The following RAB3GAP2 variants were observed in gnomAD, a reference collection of about 807,000 sequenced individuals.
The protein encoded by RAB3GAP2 is RAB3 GTPase activating non-catalytic protein subunit 2, also known as rab3 GTPase-activating protein non-catalytic subunit.
Under a neutral mutation model 185.3 loss-of-function variants are expected in RAB3GAP2, and 87 were observed. The ratio of observed to expected loss-of-function variants is 0.47; its 90% CI spans 0.39 to 0.56. The LOEUF is 0.56. Ranked by LOEUF, RAB3GAP2 falls within the 20% of genes least tolerant of loss-of-function variation. The pLI is 0.00. For synonymous variants in RAB3GAP2, 554 were observed against 576.1 expected, an observed-to-expected ratio of 0.96 and a Z score of 0.55; for missense variants, 1,492 against 1,638.2, an observed-to-expected ratio of 0.91 and a Z score of 1.54.
chr1:220,193,989 C>A (rs1031505800), intron 12 of RAB3GAP2, among the ~76,000 whole-genome samples: 1 of 151,944 alleles, frequency 6.6e-6, no homozygotes, highest in Non-Finnish European at 1.5e-5. Flanking sequence ...ACGCACAGGG[C>A]CATGTGACTA....
Position 220,157,824 on chromosome 1 carries a change from T to A in RAB3GAP2, c.3314A>T (p.Asp1105Val). The change falls in exon 30 of 35, where the codon GAT (aspartate) becomes GTT (valine). Residue 1105 changes from aspartate (D) to valine (V), a missense_variant. By Grantham distance (152) the Asp-to-Val change is radical. This residue lies in a region of RAB3GAP2 where 387 missense variants were observed against 455.3 expected (regional missense o/e 0.85). Transcript: ENST00000358951. ...TACCTCCATTAAGATCTGAAGAAGA[T>A]CCAAACAGGAGCCGAGGAAAGATGT... ...AMTSFLGSCL[D>V]LLQILMEADV... 1 of 1,613,290 alleles carries A rather than the reference T, an allele frequency of 6.2e-7. No individual in the cohort carries two copies. Among genetic ancestry groups the A allele is most frequent in the South Asian group, 1.1e-5 (1 of 91,058 alleles).
intron 1 of RAB3GAP2, among the ~76,000 whole-genome samples, chr1:220,260,070 G>A (rs1284255971): frequency 2.6e-5 from 4 of 152,122 alleles, no homozygotes; most frequent in Non-Finnish European, 5.9e-5. Context: ...AATGACTATT[G>A]TTAAAAGGTC....
In RAB3GAP2 at chr1:220,189,964, C is replaced by CAA. The variant is rs2102869076; in HGVS notation, c.1714+99_1714+100insTT. 7 of 1,121,196 alleles carry CAA rather than the reference C, an allele frequency of 6.2e-6. No individual in the cohort carries two copies. The East Asian group carries it at 1.5e-4, about 24-fold the overall frequency. The allele number at this position is 1,121,196 out of a possible 1,614,324, so 69.5% of individuals were successfully genotyped here. On this transcript the variant is annotated intron_variant, in intron 16 of 34. Coordinates refer to ENST00000358951, the MANE Select transcript of RAB3GAP2 (RefSeq NM_012414.4). ...AGCCTTACAGAGCAATTCCAATAAGCTCATCCATGCATTATTTTGATTGCT... is the reference window on the plus strand; with the variant it reads ...AGCCTTACAGAGCAATTCCAATAAGCAATCATCCATGCATTATTTTGATTGCT...
intron 1 of RAB3GAP2, among the ~76,000 whole-genome samples, chr1:220,241,802 C>T (rs1451345587): frequency 1.3e-5 from 2 of 151,850 alleles, no homozygotes; most frequent in East Asian, 3.9e-4. Flanking sequence ...ATATTACAAA[C>T]ATTAAAAATG....
At chr1:220,214,975 T>C (rs1346099234) in intron 2 of RAB3GAP2, among the ~76,000 whole-genome samples, 1 of 144,810 alleles carries the variant, frequency 6.9e-6, no homozygotes, top group Non-Finnish European at 1.5e-5. Flanking sequence ...TATATATATA[T>C]ACTTCTATAC....
chr1:220,170,227 T>A (rs571328512), intron 24 of RAB3GAP2, among the ~76,000 whole-genome samples: 1 of 151,982 alleles, frequency 6.6e-6, no homozygotes, highest in African/African-American at 2.4e-5. Flanking sequence ...TGAGAACACA[T>A]GGACACAGGG....
chr1:220,239,991 A>T (rs1659660298), intron 1 of RAB3GAP2, among the ~76,000 whole-genome samples: 2 of 58,172 alleles, frequency 3.4e-5, no homozygotes, highest in South Asian at 5.0e-4. Context: ...TTGAAGATTA[A>T]AAAAAAAAAA....
At chr1:220,242,048 T>C (rs1438994332) in intron 1 of RAB3GAP2, among the ~76,000 whole-genome samples, 2 of 152,114 alleles carry the variant, frequency 1.3e-5, no homozygotes, top group Non-Finnish European at 2.9e-5. Context: ...TTGAGTACTG[T>C]CCCTGAGAAA....
At chr1:220,197,762 G>T (rs1310198473) in intron 9 of RAB3GAP2, among the ~76,000 whole-genome samples, 1 of 152,092 alleles carries the variant, frequency 6.6e-6, no homozygotes, top group Admixed American at 6.5e-5. Flanking sequence ...GGACAATTTT[G>T]CAATAGATAT....
At chr1:220,243,316 T>C (rs1226898541) in intron 1 of RAB3GAP2, among the ~76,000 whole-genome samples, 6 of 146,638 alleles carry the variant, frequency 4.1e-5, no homozygotes, top group South Asian at 4.3e-4. Flanking sequence ...ATCGTGCCAC[T>C]GCACTCCAGC....
intron 21 of RAB3GAP2, among the ~76,000 whole-genome samples, chr1:220,176,597 T>G (rs1658294406): frequency 6.6e-6 from 1 of 152,188 alleles, no homozygotes; most frequent in Admixed American, 6.5e-5. Context: ...AGCAGTGGGC[T>G]GGAAAGTAGC....
At chr1:220,210,511 G>C (rs1042551180) in intron 6 of RAB3GAP2, 22 bp from the exon 7 acceptor site, 4 of 1,568,126 alleles carry the variant, frequency 2.6e-6, no homozygotes, top group Non-Finnish European at 3.5e-6. Flanking sequence ...CACAGAGAAG[G>C]GCCCTGCTTG....
chr1:220,251,928 T>C (rs1014315777), intron 1 of RAB3GAP2, among the ~76,000 whole-genome samples: 12 of 152,068 alleles, frequency 7.9e-5, no homozygotes, highest in Admixed American at 6.5e-4. Flanking sequence ...GGTGGTGGGA[T>C]TGCTTGAGCC....
intron 24 of RAB3GAP2, among the ~76,000 whole-genome samples, chr1:220,169,812 ATAAAT>A (rs1167872514): frequency 6.6e-6 from 1 of 152,224 alleles, no homozygotes; most frequent in Non-Finnish European, 1.5e-5. Context: ...ATTAAAACTG[ATAAAT>A]TAAAAAATAT....
intron 1 of RAB3GAP2, chr1:220,266,741 T>C (rs1390531966): frequency 6.3e-7 from 1 of 1,585,580 alleles, no homozygotes; most frequent in Admixed American, 1.7e-5. Flanking sequence ...GTTTTGGCAA[T>C]TTGATGGTTT....
chr1:220,191,335 T>C (rs756613148), intron 13 of RAB3GAP2, 51 bp from the exon 14 acceptor site: 1 of 895,628 alleles, frequency 1.1e-6, no homozygotes, highest in South Asian at 1.4e-5. Flanking sequence ...GGTTCCATAG[T>C]AGCCTCCTGA....
At chr1:220,215,303 A>G (rs546510067) in intron 2 of RAB3GAP2, among the ~76,000 whole-genome samples, 9 of 152,250 alleles carry the variant, frequency 5.9e-5, no homozygotes, top group African/African-American at 1.7e-4. Flanking sequence ...TGCCCCACAC[A>G]TGTTGTATTA....
rs973998860 is a variant in RAB3GAP2, at chr1:220,149,440, T to C, written c.*1811A>G. 6.6e-6 allele frequency: 1 copy of C among 152,198 alleles called. No individual in the cohort carries two copies. The highest frequency in any genetic ancestry group is 2.4e-5 in the African/African-American group (1 of 41,446). The allele number at this position is 152,198 out of a possible 1,614,324, so 9.4% of individuals were successfully genotyped here. On this transcript the variant is annotated 3_prime_UTR_variant, in exon 35 of 35. Coordinates refer to ENST00000358951, the MANE Select transcript of RAB3GAP2 (RefSeq NM_012414.4). ...CGCCAAGTGATGATGGAATTGAGGA[T>C]TTATTCTTTAAAAATACCTATAACT...
intron 1 of RAB3GAP2, among the ~76,000 whole-genome samples, chr1:220,258,583 A>G (rs1250250873): frequency 6.6e-6 from 1 of 152,222 alleles, no homozygotes; most frequent in Admixed American, 6.5e-5. Context: ...AAAGGAACAT[A>G]CCTCAAAATA....
Sources: allele counts gnomAD v4.1 joint callset (sites outside exome capture counted in the v4.1 genomes callset), GRCh38; gene constraint gnomAD v4.1.1; regional missense constraint gnomAD v4.1.1; transcripts MANE v1.5; gene names NCBI Gene and HGNC (gene_info 2026-07-23, HGNC 2026-07-21).